Variants in UGT1A5 observed in about 807,000 individuals in gnomAD.
UGT1A5 encodes UDP glucuronosyltransferase family 1 member A5, also known as UDP-glucuronosyltransferase 1A5.
UGT1A5 carries 29 observed loss-of-function variants against 40.3 expected under a neutral mutation model. The ratio of observed to expected loss-of-function variants is 0.72; its 90% CI spans 0.54 to 0.98. The LOEUF (loss-of-function observed/expected upper bound fraction) is 0.98, where lower values mean the gene tolerates loss of function less well. Among genes scored for constraint, UGT1A5 ranks in the 50% least tolerant of loss-of-function variants. The pLI, the probability that UGT1A5 is intolerant of heterozygous loss-of-function variation, is 0.00. For synonymous variants in UGT1A5, 257 were observed against 262.5 expected (o/e 0.98, Z 0.20); for missense variants, 678 against 677.9 (o/e 1.00, Z 0.00).
intron 1 of UGT1A5, among the ~76,000 whole-genome samples, chr2:233,715,359 C>T (rs750728220): frequency 1.3e-5 from 2 of 150,138 alleles, no homozygotes; most frequent in Admixed American, 1.3e-4. Flanking sequence ...AGGTTTGAGA[C>T]TTATATTTTC....
intron 1 of UGT1A5, 105 bp from the exon 2 acceptor site, chr2:233,766,928 CT>C: frequency 6.3e-7 from 1 of 1,578,028 alleles, no homozygotes; most frequent in Non-Finnish European, 8.6e-7. Flanking sequence ...ACACGCATGC[CT>C]TTAATCATAG....
In UGT1A5 at chr2:233,768,291, G is replaced by T; in HGVS notation, c.1159G>T (p.Val387Phe). The change falls in exon 4 of 5, where the codon GTT becomes TTT. Residue 387 changes from valine to phenylalanine, a missense_variant. Physicochemically the swap from Val to Phe is conservative, Grantham distance 50. Coordinates refer to ENST00000373414, the MANE Select transcript of UGT1A5 (RefSeq NM_019078.2). ...HGVYESICNG[V>F]PMVMMPLFGD... ...TGTTTATGAAAGCATATGCAATGGC[G>T]TTCCCATGGTGATGATGCCCTTGTT... is the stretch of plus-strand genomic sequence containing the variant. 1 of 1,614,148 alleles carries T rather than the reference G, an allele frequency of 6.2e-7. No homozygotes were observed. Among genetic ancestry groups the T allele is most frequent in the Non-Finnish European group, 8.5e-7 (1 of 1,180,032 alleles).
At chr2:233,727,155 T>C (rs2077588603) in intron 1 of UGT1A5, among the ~76,000 whole-genome samples, 1 of 152,182 alleles carries the variant, frequency 6.6e-6, no homozygotes, top group South Asian at 2.1e-4. Flanking sequence ...GGTCAGTCTT[T>C]CAGGATGCTT....
At position 233,767,903 on chromosome 2, in the gene UGT1A5, CTTG is replaced by C; in HGVS notation, c.1057_1059del (p.Val353del). On this transcript the variant is annotated inframe_deletion, in exon 3 of 5. Coordinates refer to ENST00000373414, the MANE Select transcript of UGT1A5 (RefSeq NM_019078.2). ...ATCGAATCTTGCGAACAACACGATA[CTTG>C]TTAAGTGGCTACCCCAAAACGATCT... 1 of 1,614,178 alleles carries C rather than the reference CTTG, an allele frequency of 6.2e-7. No individual in the cohort carries two copies.
intron 1 of UGT1A5, chr2:233,722,037 T>C (rs1179266679): frequency 1.2e-5 from 3 of 240,304 alleles, no homozygotes; most frequent in African/African-American, 2.3e-5. Flanking sequence ...AATTGCATGA[T>C]TTTGTGGTGT....
chr2:233,770,554 A>G (rs1700106811), intron 4 of UGT1A5: 1 of 152,026 alleles, frequency 6.6e-6, no homozygotes, highest in Non-Finnish European at 1.5e-5. Flanking sequence ...GCTATTTGGG[A>G]GGCTGAGGCA....
chr2:233,737,711 C>T (rs2078913752), intron 1 of UGT1A5, among the ~76,000 whole-genome samples: 1 of 152,172 alleles, frequency 6.6e-6, no homozygotes, highest in Admixed American at 6.5e-5. Flanking sequence ...GTTCTCCTCT[C>T]CAACACCTCC....
At chr2:233,727,507 A>C (rs2077622461) in intron 1 of UGT1A5, among the ~76,000 whole-genome samples, 2 of 152,166 alleles carry the variant, frequency 1.3e-5, no homozygotes, top group African/African-American at 4.8e-5. Flanking sequence ...GGAGCCCATG[A>C]ATGTGGGAAG....
Position 233,734,706 on chromosome 2 carries a change from A to G in UGT1A5, c.867+20848A>G, listed in dbSNP as rs368011286. 3.0e-4 allele frequency among the ~76,000 whole-genome samples: 45 copies of G among 151,692 alleles called. No individual in the cohort carries two copies. In the South Asian group the frequency reaches 8.6e-3, roughly 29 times the overall value. Reference sequence around the variant, plus strand: ...TTAAATGTGTCCCAGAGATTCTGGTATGTTGTGTCTTTGTTCTCGTCGGTT... The same window carrying G: ...TTAAATGTGTCCCAGAGATTCTGGTGTGTTGTGTCTTTGTTCTCGTCGGTT... On this transcript the variant is annotated intron_variant, in intron 1 of 4. Coordinates refer to ENST00000373414, the MANE Select transcript of UGT1A5 (RefSeq NM_019078.2).
Position 233,713,461 on chromosome 2 carries a change from G to C in UGT1A5, c.470G>C (p.Cys157Ser). Residue 157 changes from cysteine to serine, a missense_variant, in exon 1 of 5, where the codon TGC becomes TCC. Cys to Ser is a moderately radical substitution (Grantham distance 112). Coordinates refer to ENST00000373414, the MANE Select transcript of UGT1A5 (RefSeq NM_019078.2). The part of the protein sequence containing the change: ...DVVLTDPFHL[C>S]AAVLAKYLSI... ...GTTCTAACAGACCCCTTTCACCTCT[G>C]CGCGGCGGTGCTGGCTAAGTACCTG... is the stretch of plus-strand genomic sequence containing the variant. 1 of 1,614,080 alleles carries C rather than the reference G, an allele frequency of 6.2e-7. No homozygotes were observed. Among genetic ancestry groups the C allele is most frequent in the Non-Finnish European group, 8.5e-7 (1 of 1,179,990 alleles).
intron 1 of UGT1A5, chr2:233,743,878 C>G (rs1692563278): frequency 7.3e-7 from 1 of 1,367,158 alleles, no homozygotes; most frequent in Non-Finnish European, 9.8e-7. Context: ...CGGATGAGGC[C>G]TGCCGGGGCA....
intron 1 of UGT1A5, chr2:233,754,267 A>C (rs1695437171): frequency 5.7e-6 from 1 of 176,798 alleles, no homozygotes; most frequent in African/African-American, 2.4e-5. Flanking sequence ...GTAAGGCTCA[A>C]AGTGCTGAGA....
chr2:233,738,641 GCT>G (rs1690860482), intron 1 of UGT1A5, among the ~76,000 whole-genome samples: 1 of 152,206 alleles, frequency 6.6e-6, no homozygotes, highest in Non-Finnish European at 1.5e-5. Flanking sequence ...CTGCCCTAGA[GCT>G]CTTTGGAACT....
chr2:233,728,979 T>A, intron 1 of UGT1A5: 1 of 1,500,276 alleles, frequency 6.7e-7, no homozygotes, highest in Non-Finnish European at 8.9e-7. Flanking sequence ...AGATTAATGG[T>A]TAATAATTAA....
intron 1 of UGT1A5, among the ~76,000 whole-genome samples, chr2:233,718,559 T>C (rs2076663829): frequency 6.6e-6 from 1 of 152,220 alleles, no homozygotes; most frequent in South Asian, 2.1e-4. Flanking sequence ...AAAGAAGAGC[T>C]TGAACTTGGA....
chr2:233,761,081 C>A, intron 1 of UGT1A5: 2 of 1,614,180 alleles, frequency 1.2e-6, no homozygotes, highest in Non-Finnish European at 1.7e-6. Context: ...AAGGATTACC[C>A]TAGGCCCATC....
chr2:233,731,097 CT>C (rs1455789609), intron 1 of UGT1A5, among the ~76,000 whole-genome samples: 1 of 151,946 alleles, frequency 6.6e-6, no homozygotes, highest in South Asian at 2.1e-4. Flanking sequence ...ATTTCTGTGC[CT>C]TTTTTATAAA....
At chr2:233,745,293 G>A (rs759714451) in intron 1 of UGT1A5, among the ~76,000 whole-genome samples, 20 of 151,866 alleles carry the variant, frequency 1.3e-4, no homozygotes, top group African/African-American at 4.4e-4. Flanking sequence ...GGGGATAAAC[G>A]TGGGATGCAG....
At position 233,772,278 on chromosome 2, in the gene UGT1A5, A is replaced by G. The variant is rs1289153891; in HGVS notation, c.1324A>G (p.Met442Val). 6.2e-7 allele frequency: 1 copy of G among 1,614,252 alleles called. No homozygotes were observed. Among genetic ancestry groups the G allele is most frequent in the Admixed American group, 1.7e-5 (1 of 60,036 alleles). Residue 442 changes from methionine to valine, a missense_variant, in exon 5 of 5, where the codon ATG becomes GTG. By Grantham distance (21) the Met-to-Val change is conservative. Coordinates refer to ENST00000373414, the MANE Select transcript of UGT1A5 (RefSeq NM_019078.2). Reference sequence around the variant, plus strand: ...TGTGTTTAGTTACAAGGAGAACATCATGCGCCTCTCCAGCCTTCACAAGGA... The same window carrying G: ...TGTGTTTAGTTACAAGGAGAACATCGTGCGCCTCTCCAGCCTTCACAAGGA... ...INDKSYKENI[M>V]RLSSLHKDRP... is the part of the protein sequence containing the mutation.
Sources: allele counts gnomAD v4.1 joint callset (sites outside exome capture counted in the v4.1 genomes callset), GRCh38; gene constraint gnomAD v4.1.1; transcripts MANE v1.5; gene names NCBI Gene and HGNC (gene_info 2026-07-23, HGNC 2026-07-21).